Variants in CNTN5 observed in about 807,000 individuals in gnomAD.
CNTN5 encodes contactin-5.
A neutral mutation model predicts 129.1 loss-of-function variants in CNTN5; 77 were observed. The ratio of observed to expected loss-of-function variants is 0.60; its 90% CI spans 0.50 to 0.72. The LOEUF (loss-of-function observed/expected upper bound fraction) is 0.72. Ranked by LOEUF, CNTN5 falls within the 30% of genes least tolerant of loss-of-function variation. CNTN5 has a pLI of 0.00. For missense variants in CNTN5, 1,478 were observed against 1,328.8 expected, an observed-to-expected ratio of 1.11 and a Z score of -1.75; for synonymous variants, 509 against 465.6, an observed-to-expected ratio of 1.09 and a Z score of -1.20.
intron 2 of CNTN5, among the ~76,000 whole-genome samples, chr11:99,422,363 G>C (rs968478446): frequency 2.0e-5 from 3 of 151,364 alleles, no homozygotes; most frequent in African/African-American, 7.3e-5. Context: ...CTCTAATTTA[G>C]TCTCCAAATA....
intron 13 of CNTN5, among the ~76,000 whole-genome samples, chr11:100,184,116 T>C (rs910521284): frequency 3.8e-4 from 58 of 152,304 alleles, no homozygotes; most frequent in African/African-American, 1.3e-3. Flanking sequence ...CTCAGGTTTC[T>C]GTGTTATTTC....
intron 8 of CNTN5, among the ~76,000 whole-genome samples, chr11:99,960,873 G>A (rs972650956): frequency 6.6e-6 from 1 of 152,028 alleles, no homozygotes; most frequent in Admixed American, 6.6e-5. Context: ...AAAAAATAAT[G>A]AGGAGAAGGT....
At chr11:99,997,941 G>C (rs1020862567) in intron 8 of CNTN5, among the ~76,000 whole-genome samples, 1 of 152,078 alleles carries the variant, frequency 6.6e-6, no homozygotes, top group Middle Eastern at 3.2e-3. Flanking sequence ...AAAGGCCTTT[G>C]ACAAAATTCA....
chr11:99,987,374 G>T (rs1430578431), intron 8 of CNTN5, among the ~76,000 whole-genome samples: 1 of 151,600 alleles, frequency 6.6e-6, no homozygotes, highest in East Asian at 1.9e-4. Context: ...AAAAAGAAAA[G>T]AAAAATAATG....
intron 2 of CNTN5, among the ~76,000 whole-genome samples, chr11:99,512,077 T>C (rs1946858322): frequency 6.6e-6 from 1 of 152,122 alleles, no homozygotes; most frequent in Admixed American, 6.5e-5. Context: ...TACAGTAGTG[T>C]ACAGTAATGT....
intron 2 of CNTN5, among the ~76,000 whole-genome samples, chr11:99,332,927 A>G (rs963962719): frequency 1.3e-5 from 2 of 152,046 alleles, no homozygotes; most frequent in African/African-American, 2.4e-5. Flanking sequence ...GCGCAACCGT[A>G]TTTCTTTTTC....
rs10645597 is a variant in CNTN5 at position 99,868,218 on chromosome 11, TA to T, written c.577+22969del. Among the ~76,000 whole-genome samples the T allele has an allele frequency of 9.6e-3, 1,142 of 119,002 alleles. 2 individuals carry two copies. Among genetic ancestry groups the T allele is most frequent in the Non-Finnish European group, 0.014 (747 of 54,366 alleles). 78.1% of individuals were successfully genotyped at this position (119,002 alleles called of 152,430 possible). A position where few individuals can be genotyped will look rare whatever the true frequency, so the allele number is the denominator to read the frequency against. On this transcript the variant is annotated intron_variant, in intron 6 of 24. Coordinates refer to ENST00000524871, the MANE Select transcript of CNTN5 (RefSeq NM_014361.4). ...GCAACAAGAACAAAACTCCATCTCA[TA>T]AAAAAAAAAAAACAAAAAATTGTAT... is the stretch of plus-strand genomic sequence containing the variant.
chr11:99,091,372 T>C (rs1324637785), intron 1 of CNTN5, among the ~76,000 whole-genome samples: 1 of 152,194 alleles, frequency 6.6e-6, no homozygotes, highest in Non-Finnish European at 1.5e-5. Context: ...AGTTTGGTGG[T>C]CTCTGGTGCT....
chr11:100,284,798 A>G (rs1027955466), intron 18 of CNTN5, among the ~76,000 whole-genome samples: 2 of 152,340 alleles, frequency 1.3e-5, no homozygotes, highest in East Asian at 3.9e-4. Context: ...TTTGCAGTTT[A>G]TTTCAAATTT....
chr11:100,020,341 C>T (rs1941067620), intron 9 of CNTN5, among the ~76,000 whole-genome samples: 1 of 151,924 alleles, frequency 6.6e-6, no homozygotes, highest in Non-Finnish European at 1.5e-5. Flanking sequence ...ATTTTATTCA[C>T]CTGCAAGTGA....
chr11:99,096,372 A>G lies in CNTN5; in HGVS notation c.-210+75102A>G, dbSNP rs544028538. 2.6e-5 allele frequency among the ~76,000 whole-genome samples: 4 copies of G among 151,948 alleles called. No homozygotes were observed. The South Asian group carries it at 8.3e-4, about 31-fold the overall frequency. On this transcript the variant is annotated intron_variant, in intron 1 of 24. Transcript: ENST00000524871. ...GTAGTACTTCTGTTTCAGGAAAAAT[A>G]AAATAGATGAGATTCATAAATTTAA...
intron 2 of CNTN5, among the ~76,000 whole-genome samples, chr11:99,387,202 G>A (rs1940972468): frequency 6.6e-6 from 1 of 152,074 alleles, no homozygotes; most frequent in Non-Finnish European, 1.5e-5. Flanking sequence ...ATAAGAAATG[G>A]TAACAATTAA....
intron 2 of CNTN5, among the ~76,000 whole-genome samples, chr11:99,388,243 C>T (rs529784941): frequency 4.0e-5 from 6 of 151,612 alleles, no homozygotes; most frequent in African/African-American, 1.5e-4. Flanking sequence ...TGGTGAAACC[C>T]CATCTCTACT....
At chr11:99,231,380 T>C (rs1271092446) in intron 1 of CNTN5, among the ~76,000 whole-genome samples, 4 of 152,218 alleles carry the variant, frequency 2.6e-5, no homozygotes, top group Non-Finnish European at 5.9e-5. Context: ...GGGTTTGATT[T>C]GCATTTCTCT....
At chr11:99,734,635 T>C (rs760122917) in intron 3 of CNTN5, among the ~76,000 whole-genome samples, 5 of 152,176 alleles carry the variant, frequency 3.3e-5, no homozygotes, top group African/African-American at 4.8e-5. Context: ...TTGTTTTCCA[T>C]ACGTAGTCGT....
chr11:100,231,648 A>C (rs1310989968), intron 16 of CNTN5, among the ~76,000 whole-genome samples: 2 of 152,316 alleles, frequency 1.3e-5, no homozygotes, highest in Non-Finnish European at 2.9e-5. Context: ...GAGAATGATC[A>C]TGCAATCATA....
intron 2 of CNTN5, among the ~76,000 whole-genome samples, chr11:99,377,928 T>A (rs1049611884): frequency 6.6e-6 from 1 of 152,152 alleles, no homozygotes; most frequent in Non-Finnish European, 1.5e-5. Flanking sequence ...TTTCCTCATT[T>A]GGTCTCTTGA....
chr11:99,813,688 A>T (rs562589968), intron 3 of CNTN5, among the ~76,000 whole-genome samples: 4 of 152,262 alleles, frequency 2.6e-5, no homozygotes, highest in Non-Finnish European at 4.4e-5. Context: ...GGAGACAAAG[A>T]ACTAGAAAAG....
At chr11:99,759,209 A>C (rs560114101) in intron 3 of CNTN5, among the ~76,000 whole-genome samples, 12 of 152,166 alleles carry the variant, frequency 7.9e-5, no homozygotes, top group African/African-American at 2.9e-4. Flanking sequence ...ATTTGTTCAA[A>C]ATGATGACAT....
Sources: allele counts gnomAD v4.1 joint callset (sites outside exome capture counted in the v4.1 genomes callset), GRCh38; gene constraint gnomAD v4.1.1; transcripts MANE v1.5; gene names NCBI Gene and HGNC (gene_info 2026-07-23, HGNC 2026-07-21).